The following BRD7 variants were observed in gnomAD, a reference collection of about 807,000 sequenced individuals.
BRD7 encodes the protein bromodomain containing 7, also known as bromodomain-containing protein 7.
BRD7 carries 15 observed loss-of-function variants against 82.1 expected under a neutral mutation model. That is an observed-to-expected ratio of 0.18 (90% CI 0.12 to 0.28). The LOEUF is 0.28. Ranked by LOEUF, BRD7 falls within the 10% of genes least tolerant of loss-of-function variation. The pLI is 1.00. For synonymous variants in BRD7, 232 were observed against 266.9 expected, an observed-to-expected ratio of 0.87 and a Z score of 1.27; for missense variants, 638 against 779.9, an observed-to-expected ratio of 0.82 and a Z score of 2.17.
intron 5 of BRD7, among the ~76,000 whole-genome samples, chr16:50,348,363 T>A (rs1339746000): frequency 1.3e-5 from 2 of 152,164 alleles, no homozygotes; most frequent in East Asian, 1.9e-4. Flanking sequence ...AAGGACTTCA[T>A]GACTAAAACA....
At chr16:50,337,006 A>G (rs982788439) in intron 6 of BRD7, among the ~76,000 whole-genome samples, 4 of 152,192 alleles carry the variant, frequency 2.6e-5, no homozygotes, top group African/African-American at 7.2e-5. Flanking sequence ...TGCCAGACAC[A>G]ACTCCATGAG....
Position 50,319,188 on chromosome 16 carries a change from A to G in BRD7, c.*23T>C. 1.9e-6 allele frequency: 3 copies of G among 1,577,530 alleles called. No individual in the cohort carries two copies. Among genetic ancestry groups the G allele is most frequent in the Non-Finnish European group, 2.6e-6 (3 of 1,148,922 alleles). On this transcript the variant is annotated 3_prime_UTR_variant, in exon 17 of 17. Coordinates refer to ENST00000394688, the MANE Select transcript of BRD7 (RefSeq NM_013263.5). ...AAGAATGAAAAAGTATGTACATAAT[A>G]TATAATCAAATACCAGGCAGCCTCA...
chr16:50,367,192 G>A (rs757354624), intron 2 of BRD7, among the ~76,000 whole-genome samples: 2 of 152,142 alleles, frequency 1.3e-5, no homozygotes, highest in Non-Finnish European at 2.9e-5. Context: ...TTCAGTGGCA[G>A]GTTAAATTTG....
At chr16:50,348,035 A>C (rs1289865407) in intron 5 of BRD7, among the ~76,000 whole-genome samples, 1 of 152,236 alleles carries the variant, frequency 6.6e-6, no homozygotes, top group Admixed American at 6.5e-5. Flanking sequence ...AGTAACCAAA[A>C]CAGCATGGTA....
In BRD7 at chr16:50,368,370, T is replaced by G. The variant is rs377236235; in HGVS notation, c.50-72A>C. ...GGGGCTCTCCAGGGAGTGCTAAGGATGCAGAGCGCCAAGGCGCAGCAAGCC... is the reference window on the plus strand; with the variant it reads ...GGGGCTCTCCAGGGAGTGCTAAGGAGGCAGAGCGCCAAGGCGCAGCAAGCC... On this transcript the variant is annotated intron_variant, in intron 1 of 16. Transcript: ENST00000394688. The G allele has an allele frequency of 1.0e-5, 15 of 1,494,306 alleles. No homozygotes were observed. In the African/African-American group the frequency reaches 2.1e-4, roughly 21 times the overall value. The allele number at this position is 1,494,306 out of a possible 1,614,324, so 92.6% of individuals were successfully genotyped here.
Position 50,326,305 on chromosome 16 carries a change from TA to T in BRD7, c.1173del (p.Asp391GlufsTer12). ...TCACCTGGAGTGACTTTGTTCCTTT[TA>T]TCCTCTTTGAACCCCTGCAAAGTAT... ...GVNTLQGFKEDKRNKVTPVLY... is the reference protein window; with the variant it reads ...GVNTLQGFKEXKRNKVTPVLY... On this transcript the variant is annotated frameshift_variant, in exon 10 of 17. Transcript: ENST00000394688. LOFTEE classifies it high-confidence loss of function. 1 of 1,613,340 alleles carries T rather than the reference TA, an allele frequency of 6.2e-7. No individual in the cohort carries two copies. Among genetic ancestry groups the T allele is most frequent in the East Asian group, 2.2e-5 (1 of 44,850 alleles).
At chr16:50,352,721 T>C (rs1054853996) in intron 4 of BRD7, among the ~76,000 whole-genome samples, 14 of 151,058 alleles carry the variant, frequency 9.3e-5, no homozygotes, top group African/African-American at 3.4e-4. Context: ...TTTTTTTGTC[T>C]TTTGATAACA....
intron 5 of BRD7, among the ~76,000 whole-genome samples, chr16:50,346,169 AC>A (rs888441385): frequency 1.3e-5 from 2 of 152,244 alleles, no homozygotes; most frequent in African/African-American, 2.4e-5. Context: ...CTGAATGACT[AC>A]CAGGTACATA....
At position 50,321,989 on chromosome 16, in the gene BRD7, T is replaced by G; in HGVS notation, c.1493A>C (p.Glu498Ala). The change falls in exon 13 of 17, where the codon GAA (glutamate) becomes GCA (alanine). Residue 498 changes from glutamate (E) to alanine (A), a missense_variant. Glu to Ala is a moderately radical substitution (Grantham distance 107). This residue lies in a region of BRD7 where 402 missense variants were observed against 500.8 expected (regional missense o/e 0.80). Transcript: ENST00000394688. The stretch of plus-strand genomic sequence containing the variant: ...AGTGTAAAATAAAATCACCTCCATT[T>G]CTTTTGCTGTGTCAAGTGTCCTAGT... ...GHTRTLDTAK[E>A]MEITEVEPPG... 1 of 1,610,664 alleles carries G rather than the reference T, an allele frequency of 6.2e-7. No individual in the cohort carries two copies. The highest frequency in any genetic ancestry group is 8.5e-7 in the Non-Finnish European group (1 of 1,178,908).
At chr16:50,340,954 T>G (rs2038021673) in intron 5 of BRD7, among the ~76,000 whole-genome samples, 1 of 152,100 alleles carries the variant, frequency 6.6e-6, no homozygotes, top group African/African-American at 2.4e-5. Context: ...AAAATTCAAA[T>G]TCCACTATTT....
intron 2 of BRD7, among the ~76,000 whole-genome samples, chr16:50,363,520 T>C (rs544484568): frequency 2.0e-5 from 3 of 152,312 alleles, no homozygotes; most frequent in South Asian, 2.1e-4. Flanking sequence ...CAGGGAGAAA[T>C]ACTGCTGATC....
At chr16:50,338,948 A>G (rs2037931066) in intron 6 of BRD7, among the ~76,000 whole-genome samples, 2 of 152,224 alleles carry the variant, frequency 1.3e-5, no homozygotes, top group African/African-American at 4.8e-5. Context: ...AAAAACCTCA[A>G]AAGATATGGC....
intron 8 of BRD7, among the ~76,000 whole-genome samples, chr16:50,330,512 C>T (rs1350820799): frequency 1.3e-5 from 2 of 151,922 alleles, no homozygotes; most frequent in Non-Finnish European, 2.9e-5. Flanking sequence ...CTTGTTTCGT[C>T]TACTTTGTTA....
intron 5 of BRD7, chr16:50,349,360 C>G (rs1306433299): frequency 3.0e-6 from 1 of 328,174 alleles, no homozygotes; most frequent in South Asian, 2.5e-5. Context: ...CCAACCTGCA[C>G]GTTGTGCACA....
Position 50,334,714 on chromosome 16 carries a change from T to G in BRD7, c.884A>C (p.Lys295Thr). Residue 295 changes from lysine to threonine, a missense_variant, in exon 7 of 17, where the codon AAA (lysine) becomes ACA (threonine). Transcript: ENST00000394688. ...TAACATCCCAAAGATCTTTTACTTT[T>G]TATTTTCTTTGCTGGGACTCTTGAA... ...HAFKSPSKEN[K>T]KKDKDMLEDK... 4 of 1,612,912 alleles carry G rather than the reference T, an allele frequency of 2.5e-6. No homozygotes were observed. The highest frequency in any genetic ancestry group is 3.4e-6 in the Non-Finnish European group (4 of 1,179,532).
chr16:50,363,964 G>A (rs957865248), intron 2 of BRD7, among the ~76,000 whole-genome samples: 1 of 151,960 alleles, frequency 6.6e-6, no homozygotes, highest in African/African-American at 2.4e-5. Flanking sequence ...TCGGGAGACT[G>A]AGGTGAGAGG....
chr16:50,363,046 T>A (rs1416669777), intron 2 of BRD7, among the ~76,000 whole-genome samples: 1 of 152,240 alleles, frequency 6.6e-6, no homozygotes, highest in Admixed American at 6.5e-5. Flanking sequence ...ATATGCCTGA[T>A]AAGTAGCAGT....
rs2037020296 is a variant in BRD7, at chr16:50,320,023, T to C, written c.1764A>G (p.Gln588=). ...CAAGTTCTTTAAGATTATTGGTCAC[T>C]TGTTCAGCTAAAAAGAAAAACAAAG... is the stretch of plus-strand genomic sequence containing the variant. ...PSYREMHLAE[Q]VTNNLKELAQ... is the part of the protein sequence containing the mutation. The change falls in exon 16 of 17, where the codon CAA becomes CAG. Residue 588 remains glutamine (Q), a synonymous_variant. Transcript: ENST00000394688. 1.2e-6 allele frequency: 2 copies of C among 1,605,738 alleles called. No homozygotes were observed. Among genetic ancestry groups the C allele is most frequent in the East Asian group, 2.2e-5 (1 of 44,792 alleles).
At chr16:50,343,844 T>C (rs1054254767) in intron 5 of BRD7, among the ~76,000 whole-genome samples, 5 of 152,028 alleles carry the variant, frequency 3.3e-5, no homozygotes, top group African/African-American at 1.2e-4. Flanking sequence ...GGGCAGGGCA[T>C]AGCTGAACAA....
Sources: allele counts gnomAD v4.1 joint callset (sites outside exome capture counted in the v4.1 genomes callset), GRCh38; gene constraint gnomAD v4.1.1; regional missense constraint gnomAD v4.1.1; transcripts MANE v1.5; gene names NCBI Gene and HGNC (gene_info 2026-07-23, HGNC 2026-07-21).